The following SGF29 variants were observed in gnomAD, a reference collection of about 807,000 sequenced individuals.
The protein encoded by SGF29 is SAGA complex associated factor 29, also known as SAGA-associated factor 29.
SGF29 carries 15 observed loss-of-function variants against 38.1 expected under a neutral mutation model. That is an observed-to-expected ratio of 0.39 (90% CI 0.26 to 0.61). The LOEUF (loss-of-function observed/expected upper bound fraction) is 0.61, where lower values mean the gene tolerates loss of function less well. SGF29 is among the 20% of genes least tolerant of loss of function. The probability of loss-of-function intolerance (pLI) is 0.49; values close to 1 mark genes in which losing one functional copy is unlikely to be tolerated. For missense variants in SGF29, 184 were observed against 394.6 expected, an observed-to-expected ratio of 0.47 and a Z score of 4.52; for synonymous variants, 151 against 160.8, an observed-to-expected ratio of 0.94 and a Z score of 0.46.
chr16:28,564,573 A>G (rs2046813385), intron 1 of SGF29, among the ~76,000 whole-genome samples: 1 of 133,144 alleles, frequency 7.5e-6, no homozygotes, highest in Non-Finnish European at 1.6e-5. Flanking sequence ...ATACGTATAT[A>G]TATACACGTA....
rs377346833 is a variant in SGF29, at chr16:28,588,430, A to G, written c.225-670A>G. On this transcript the variant is annotated intron_variant, in intron 4 of 9. Coordinates refer to ENST00000317058, the MANE Select transcript of SGF29 (RefSeq NM_138414.3). ...CAGGAGGTTCCTGCAGCCTTTCTGC[A>G]GGGTTTGCCGAAGGCAGTTTGCCTG... is the stretch of plus-strand genomic sequence containing the variant. 3.9e-5 allele frequency among the ~76,000 whole-genome samples: 6 copies of G among 152,174 alleles called. No individual in the cohort carries two copies. The East Asian group carries it at 1.2e-3, about 29-fold the overall frequency.
At chr16:28,562,852 C>T (rs1002596023) in intron 1 of SGF29, among the ~76,000 whole-genome samples, 1 of 134,564 alleles carries the variant, frequency 7.4e-6, no homozygotes, top group Non-Finnish European at 1.5e-5. Flanking sequence ...TACAGGGAGC[C>T]GAGATTGGGC....
chr16:28,561,737 T>C (rs1219872025), intron 1 of SGF29, among the ~76,000 whole-genome samples: 3 of 152,126 alleles, frequency 2.0e-5, no homozygotes, highest in African/African-American at 4.8e-5. Context: ...GTTTACATGA[T>C]AGAATTGTGA....
At chr16:28,559,308 G>A (rs899934440) in intron 1 of SGF29, among the ~76,000 whole-genome samples, 1 of 152,108 alleles carries the variant, frequency 6.6e-6, no homozygotes, top group African/African-American at 2.4e-5. Context: ...CAATGAGAGT[G>A]AGACCCTGTC....
Position 28,587,960 on chromosome 16 carries a change from G to A in SGF29, c.225-1140G>A, listed in dbSNP as rs758827025. Among the ~76,000 whole-genome samples the A allele has an allele frequency of 3.4e-4, 51 of 151,928 alleles. 1 individual carries two copies. The highest frequency in any genetic ancestry group is 2.3e-3 in the East Asian group (12 of 5,158). On this transcript the variant is annotated intron_variant, in intron 4 of 9. Coordinates refer to ENST00000317058, the MANE Select transcript of SGF29 (RefSeq NM_138414.3). ...GATTATAGACGCCCGCCACCACGCC[G>A]GGCTAATTTTTGTATTTTTAGTAGA...
rs1257431479 is a variant in SGF29 at position 28,590,690 on chromosome 16, G to T, written c.602+24G>T. ...GAGTGAGTGTCCAGGCCAGGGCAGG[G>T]CATGGAGCCTGGGGGCAGCCTAACA... On this transcript the variant is annotated intron_variant, in intron 8 of 9. Transcript: ENST00000317058. This position sits in a 1 kb window ranked among gnomAD's most constrained non-coding sequence, Gnocchi z 8.2. The T allele has an allele frequency of 2.5e-6, 4 of 1,613,976 alleles. No homozygotes were observed. Among genetic ancestry groups the T allele is most frequent in the Non-Finnish European group, 1.7e-6 (2 of 1,179,980 alleles).
intron 1 of SGF29, among the ~76,000 whole-genome samples, chr16:28,554,323 C>G (rs532934073): frequency 1.3e-5 from 2 of 152,102 alleles, no homozygotes; most frequent in Non-Finnish European, 2.9e-5. Context: ...CGCTCGAGGT[C>G]TGCGCTTGCG....
At chr16:28,554,168 G>T (rs62034351) in intron 1 of SGF29, 71 bp downstream of exon 1, 1 of 152,036 alleles carries the variant, frequency 6.6e-6, no homozygotes, top group East Asian at 1.9e-4. Flanking sequence ...TCCTCCCTCC[G>T]CGCCGCGGCT....
At chr16:28,589,940 G>A (rs1033790248) in intron 5 of SGF29, among the ~76,000 whole-genome samples, 156 bp from the exon 6 acceptor site, 1 of 152,152 alleles carries the variant, frequency 6.6e-6, no homozygotes, top group African/African-American at 2.4e-5. Flanking sequence ...TATAGGTGCT[G>A]ACACATGGCC....
intron 1 of SGF29, among the ~76,000 whole-genome samples, chr16:28,563,278 G>A (rs1287544382): frequency 3.3e-5 from 5 of 152,322 alleles, no homozygotes; most frequent in East Asian, 1.9e-4. Flanking sequence ...CGCCAGATAC[G>A]TGCCAGAGGC....
intron 1 of SGF29, among the ~76,000 whole-genome samples, chr16:28,559,259 G>A (rs924868388): frequency 6.6e-6 from 1 of 152,174 alleles, no homozygotes; most frequent in East Asian, 1.9e-4. Flanking sequence ...AGTCAAGGCT[G>A]CAGTGAGCTG....
chr16:28,565,783 A>G (rs115663397), intron 1 of SGF29, among the ~76,000 whole-genome samples: 91 of 150,726 alleles, frequency 6.0e-4, no homozygotes, highest in African/African-American at 2.2e-3. Context: ...CACCACGCCC[A>G]GCCAGGTATG....
chr16:28,584,386 C>T (rs1315998780), intron 2 of SGF29, among the ~76,000 whole-genome samples: 1 of 151,950 alleles, frequency 6.6e-6, no homozygotes, highest in Non-Finnish European at 1.5e-5. Context: ...CATAGCCGGG[C>T]GCCCTTGCCT....
intron 1 of SGF29, among the ~76,000 whole-genome samples, chr16:28,555,690 C>G (rs2046746346): frequency 6.6e-6 from 1 of 152,210 alleles, no homozygotes; most frequent in African/African-American, 2.4e-5. Context: ...CACAGACACA[C>G]TCTAAAGTGT....
At chr16:28,572,267 C>T (rs1274440107) in intron 1 of SGF29, among the ~76,000 whole-genome samples, 2 of 150,570 alleles carry the variant, frequency 1.3e-5, no homozygotes, top group Non-Finnish European at 2.9e-5. Context: ...TGAGCCACTG[C>T]GCCCGGCCCT....
intron 1 of SGF29, among the ~76,000 whole-genome samples, chr16:28,564,238 G>A (rs2046806924): frequency 6.6e-6 from 1 of 152,000 alleles, no homozygotes; most frequent in South Asian, 2.1e-4. Context: ...GAGCATCTGC[G>A]GGTGCATCTC....
intron 2 of SGF29, among the ~76,000 whole-genome samples, chr16:28,583,743 C>G (rs1266359649): frequency 6.6e-6 from 1 of 152,140 alleles, no homozygotes; most frequent in Non-Finnish European, 1.5e-5. Flanking sequence ...GAATTCTGTT[C>G]TGTTGATCTA....
At chr16:28,568,519 T>C (rs532388897) in intron 1 of SGF29, among the ~76,000 whole-genome samples, 2 of 151,968 alleles carry the variant, frequency 1.3e-5, no homozygotes, top group Admixed American at 6.6e-5. Flanking sequence ...TGATTGATTA[T>C]TTAGCTTAAG....
At chr16:28,582,742 G>C (rs1567291493) in intron 2 of SGF29, among the ~76,000 whole-genome samples, 1 of 152,162 alleles carries the variant, frequency 6.6e-6, no homozygotes, top group Admixed American at 6.5e-5. Context: ...TCAGGAGTTT[G>C]AGACCAGTCT....
Sources: gnomAD v4.1 joint callset for allele counts (sites outside exome capture counted in the v4.1 genomes callset) on GRCh38, gnomAD v4.1.1 for gene constraint, Gnocchi (gnomAD v3.1) non-coding constraint, MANE v1.5 for transcripts, NCBI Gene and HGNC (gene_info 2026-07-23, HGNC 2026-07-21) for gene names.